SLC2A9: variants seen among roughly 807,000 people sequenced by gnomAD.
SLC2A9 encodes solute carrier family 2, facilitated glucose transporter member 9.
SLC2A9 carries 39 observed loss-of-function variants against 50.6 expected under a neutral mutation model. The ratio of observed to expected loss-of-function variants is 0.77; its 90% confidence interval spans 0.60 to 1.01. SLC2A9 has a LOEUF of 1.01. Ranked by LOEUF, SLC2A9 falls within the 50% of genes least tolerant of loss-of-function variation. The pLI, the probability that SLC2A9 is intolerant of heterozygous loss-of-function variation, is 0.00. For synonymous variants in SLC2A9, 324 were observed against 276.9 expected, an observed-to-expected ratio of 1.17 and a Z score of -1.69; for missense variants, 686 against 677.6, an observed-to-expected ratio of 1.01 and a Z score of -0.14.
intron 8 of SLC2A9, among the ~76,000 whole-genome samples, chr4:9,895,855 C>T (rs756804197): frequency 6.6e-6 from 1 of 152,230 alleles, no homozygotes; most frequent in Admixed American, 6.5e-5. Flanking sequence ...TCCAGGCAAC[C>T]TCCGATCTGC....
At chr4:9,973,363 G>T (rs1464520904) in intron 5 of SLC2A9, among the ~76,000 whole-genome samples, 1 of 152,160 alleles carries the variant, frequency 6.6e-6, no homozygotes, top group African/African-American at 2.4e-5. Context: ...TCTATTAGAT[G>T]TACAAAGAAG....
At chr4:9,952,255 T>C (rs1428739869) in intron 5 of SLC2A9, among the ~76,000 whole-genome samples, 2 of 152,212 alleles carry the variant, frequency 1.3e-5, no homozygotes, top group Non-Finnish European at 1.5e-5. Context: ...TCGCCGATGT[T>C]GGAGGTGGGG....
rs1735027671 is a variant in SLC2A9 at position 9,880,556 on chromosome 4, CAG to C, written c.1291+7009_1291+7010del. The C allele has an allele frequency of 3.0e-6, 3 of 984,554 alleles. No individual in the cohort carries two copies. In the African/African-American group the frequency reaches 5.3e-5, roughly 17 times the overall value. 61.0% of individuals were successfully genotyped at this position (984,554 alleles called of 1,614,324 possible). A position where few individuals can be genotyped will look rare whatever the true frequency, so the allele number is the denominator to read the frequency against. ...TTGGGAGGGCTTAGGAAAAAAAAAACAGAGAAGGCTAAGCTTAGTGATTTTTG... is the reference window on the plus strand; with the variant it reads ...TTGGGAGGGCTTAGGAAAAAAAAAACAGAAGGCTAAGCTTAGTGATTTTTG... On this transcript the variant is annotated intron_variant, in intron 10 of 11. Transcript: ENST00000264784.
At chr4:10,034,576 C>T (rs1764039174) in intron 1 of SLC2A9, 1 of 152,422 alleles carries the variant, frequency 6.6e-6, no homozygotes, top group South Asian at 2.1e-4. Flanking sequence ...CGCGGCCAGG[C>T]TCCCTGAGTT....
At chr4:9,840,069 C>A (rs1039708167) in intron 10 of SLC2A9, among the ~76,000 whole-genome samples, 16 of 152,094 alleles carry the variant, frequency 1.1e-4, no homozygotes, top group African/African-American at 3.9e-4. Flanking sequence ...ATTTACTATA[C>A]AAAGAAACTT....
At chr4:9,818,646 C>T (rs1370951396) in intron 3 of SLC2A9, among the ~76,000 whole-genome samples, 2 of 152,208 alleles carry the variant, frequency 1.3e-5, no homozygotes, top group African/African-American at 2.4e-5. Context: ...AGGCCAAGGC[C>T]TAGTGGGGAA....
At chr4:9,922,821 T>C in intron 6 of SLC2A9, 1 of 152,636 alleles carries the variant, frequency 6.6e-6, no homozygotes, top group Non-Finnish European at 1.5e-5. Context: ...CAGACCTGCT[T>C]CCAGGAGAAC....
chr4:9,815,195 A>G (rs1723404059), intron 3 of SLC2A9, among the ~76,000 whole-genome samples: 1 of 152,168 alleles, frequency 6.6e-6, no homozygotes. Context: ...AGCACCAGGG[A>G]AAGCACCAGA....
intron 4 of SLC2A9, among the ~76,000 whole-genome samples, chr4:9,983,934 T>C (rs1756295771): frequency 6.6e-6 from 1 of 152,220 alleles, no homozygotes; most frequent in African/African-American, 2.4e-5. Context: ...GCTCCAGCTT[T>C]CTGAGCATTA....
chr4:9,992,618 C>T (rs1350650051), intron 3 of SLC2A9, among the ~76,000 whole-genome samples: 1 of 152,236 alleles, frequency 6.6e-6, no homozygotes, highest in Non-Finnish European at 1.5e-5. Flanking sequence ...CCAAGCTGGG[C>T]CCATCTTATA....
At chr4:9,816,220 T>C (rs1431301910) in intron 3 of SLC2A9, among the ~76,000 whole-genome samples, 1 of 152,072 alleles carries the variant, frequency 6.6e-6, no homozygotes, top group Admixed American at 6.6e-5. Context: ...AACATTTTCT[T>C]CTCACATCAC....
At chr4:9,914,273 G>T (rs993285988) in intron 7 of SLC2A9, among the ~76,000 whole-genome samples, 4 of 152,308 alleles carry the variant, frequency 2.6e-5, no homozygotes, top group Middle Eastern at 3.4e-3. Flanking sequence ...AATCACTACC[G>T]GCAGCTGCCA....
At chr4:9,839,103 T>A (rs546309672) in intron 10 of SLC2A9, among the ~76,000 whole-genome samples, 158 of 152,188 alleles carry the variant, frequency 1.0e-3, no homozygotes, top group African/African-American at 3.5e-3. Flanking sequence ...AAACTATGCA[T>A]CTGACAAAGA....
intron 6 of SLC2A9, among the ~76,000 whole-genome samples, chr4:9,921,983 G>C (rs978933470): frequency 4.0e-4 from 60 of 151,754 alleles, no homozygotes; most frequent in African/African-American, 1.2e-3. Flanking sequence ...GCAATGTTTA[G>C]CCCTTAACAG....
chr4:9,893,524 G>A (rs1737925057), intron 8 of SLC2A9, among the ~76,000 whole-genome samples: 1 of 145,368 alleles, frequency 6.9e-6, no homozygotes, highest in Non-Finnish European at 1.5e-5. Flanking sequence ...AACAGCTTCT[G>A]AGAAAGAGAG....
At chr4:10,017,452 A>C (rs887934006) in intron 2 of SLC2A9, among the ~76,000 whole-genome samples, 2 of 152,272 alleles carry the variant, frequency 1.3e-5, no homozygotes, top group Non-Finnish European at 2.9e-5. Context: ...GACTGTTGGC[A>C]GTGCTTACTG....
chr4:9,877,133 T>C (rs1734431645), intron 10 of SLC2A9, among the ~76,000 whole-genome samples: 1 of 152,230 alleles, frequency 6.6e-6, no homozygotes, highest in Admixed American at 6.5e-5. Context: ...AGGAGACATC[T>C]GATTCGACTC....
chr4:9,993,228 TTA>T (rs1388086083), intron 3 of SLC2A9, among the ~76,000 whole-genome samples: 3 of 152,228 alleles, frequency 2.0e-5, no homozygotes, highest in Admixed American at 1.3e-4. Flanking sequence ...CTATAGTTTC[TTA>T]TATGTTTTTT....
chr4:9,920,998 C>T (rs903547454), intron 6 of SLC2A9, among the ~76,000 whole-genome samples: 3 of 152,156 alleles, frequency 2.0e-5, no homozygotes, highest in East Asian at 1.9e-4. Context: ...CACTGGAGTT[C>T]GTTTGCTGAA....
Sources: allele counts gnomAD v4.1 joint callset (sites outside exome capture counted in the v4.1 genomes callset), GRCh38; gene constraint gnomAD v4.1.1; transcripts MANE v1.5; gene names NCBI Gene and HGNC (gene_info 2026-07-23, HGNC 2026-07-21).